Variants in AKAP13 observed in about 807,000 individuals in gnomAD.
The protein encoded by AKAP13 is A-kinase anchoring protein 13.
A neutral mutation model predicts 264.5 loss-of-function variants in AKAP13; 80 were observed. That is an observed-to-expected ratio of 0.30 (90% CI 0.25 to 0.36). The LOEUF (loss-of-function observed/expected upper bound fraction) is 0.36, where lower values mean the gene tolerates loss of function less well. AKAP13 is among the 10% of genes least tolerant of loss of function. The probability of loss-of-function intolerance (pLI) is 1.00; values close to 1 mark genes in which losing one functional copy is unlikely to be tolerated. For synonymous variants in AKAP13, 1,380 were observed against 1,250.2 expected, an observed-to-expected ratio of 1.10 and a Z score of -2.19; for missense variants, 3,712 against 3,435.2, an observed-to-expected ratio of 1.08 and a Z score of -2.01.
intron 1 of AKAP13, among the ~76,000 whole-genome samples, chr15:85,466,550 C>G (rs1486225633): frequency 2.0e-5 from 3 of 152,172 alleles, no homozygotes; most frequent in African/African-American, 7.2e-5. Context: ...AGGAAGGGAT[C>G]CAGTTTCAGC....
chr15:85,508,859 T>A (rs1421946538), intron 2 of AKAP13, among the ~76,000 whole-genome samples: 1 of 151,902 alleles, frequency 6.6e-6, no homozygotes, highest in Non-Finnish European at 1.5e-5. Flanking sequence ...ACTGCTTTCT[T>A]TATCTTCCCT....
intron 26 of AKAP13, among the ~76,000 whole-genome samples, chr15:85,725,897 T>C (rs1457489595): frequency 6.6e-6 from 1 of 152,210 alleles, no homozygotes; most frequent in Non-Finnish European, 1.5e-5. Flanking sequence ...CTTTGTTCTT[T>C]TGAGGGCATG....
chr15:85,456,516 C>CTG (rs2074283582), intron 1 of AKAP13, among the ~76,000 whole-genome samples: 1 of 151,318 alleles, frequency 6.6e-6, no homozygotes, highest in African/African-American at 2.4e-5. Flanking sequence ...CAGGGCTACC[C>CTG]CAAAGGCAGT....
intron 11 of AKAP13, 97 bp downstream of exon 11, chr15:85,655,884 C>T (rs1290070230): frequency 4.7e-6 from 7 of 1,481,688 alleles, no homozygotes; most frequent in Non-Finnish European, 4.5e-6. Context: ...TTAGGAGACC[C>T]CATAGTATAG....
chr15:85,394,103 A>G (rs1201014826), intron 1 of AKAP13, among the ~76,000 whole-genome samples: 2 of 152,228 alleles, frequency 1.3e-5, no homozygotes, highest in Admixed American at 6.5e-5. Context: ...TAATTAGTTC[A>G]TGTGTAAACT....
intron 1 of AKAP13, among the ~76,000 whole-genome samples, chr15:85,413,983 G>C (rs954196875): frequency 4.6e-5 from 7 of 151,894 alleles, no homozygotes; most frequent in African/African-American, 1.5e-4. Flanking sequence ...AACTTTCATT[G>C]TTTTCTCCAA....
rs770525850 is a variant in AKAP13 at position 85,655,515 on chromosome 15, G to C, written c.4473G>C (p.Val1491=). The C allele has an allele frequency of 1.2e-6, 2 of 1,614,222 alleles. No homozygotes were observed. Among genetic ancestry groups the C allele is most frequent in the Non-Finnish European group, 1.7e-6 (2 of 1,180,034 alleles). ...LDRHSSHGSD[V]SLSQILKPNR... Reference sequence around the variant, plus strand: ...GACATTCTTCTCATGGCAGTGATGTGTCTCTCTCCCAGATTTTAAAGCCAA... The same window carrying C: ...GACATTCTTCTCATGGCAGTGATGTCTCTCTCTCCCAGATTTTAAAGCCAA... The change falls in exon 11 of 37, where the codon GTG becomes GTC. Residue 1491 remains valine (V), a synonymous_variant. Coordinates refer to ENST00000394518, the MANE Select transcript of AKAP13 (RefSeq NM_007200.5).
chr15:85,733,966 G>C (rs925903149), intron 30 of AKAP13, among the ~76,000 whole-genome samples: 1 of 134,834 alleles, frequency 7.4e-6, no homozygotes, highest in Non-Finnish European at 1.6e-5. Flanking sequence ...TCAGCCTCCT[G>C]AGTAGCTGGG....
intron 1 of AKAP13, among the ~76,000 whole-genome samples, chr15:85,465,533 G>A (rs2074702121): frequency 8.1e-6 from 1 of 123,766 alleles, no homozygotes; most frequent in Admixed American, 9.7e-5. Context: ...ACCAGAGTGT[G>A]ATGTTCCCCT....
At chr15:85,468,270 T>C (rs6497191) in intron 1 of AKAP13, among the ~76,000 whole-genome samples, 82,119 of 151,940 alleles carry the variant, frequency 0.54, 22,886 homozygotes, top group Admixed American at 0.64. Flanking sequence ...GTCTTATGGT[T>C]GATGCCCCTT....
rs1051291990 is a variant in AKAP13 at position 85,735,705 on chromosome 15, C to T, written c.7512+75C>T. Reference sequence around the variant, plus strand: ...ATTCATAACCTTTGAAATTATTTCACTTTGATGTTGTTTTCGATGCCTGAA... The same window carrying T: ...ATTCATAACCTTTGAAATTATTTCATTTTGATGTTGTTTTCGATGCCTGAA... On this transcript the variant is annotated intron_variant, in intron 32 of 36. Coordinates refer to ENST00000394518, the MANE Select transcript of AKAP13 (RefSeq NM_007200.5). The T allele has an allele frequency of 2.1e-6, 3 of 1,418,556 alleles. No homozygotes were observed. In the African/African-American group the frequency reaches 4.3e-5, roughly 20 times the overall value. 87.9% of individuals were successfully genotyped at this position (1,418,556 alleles called of 1,614,324 possible). A position where few individuals can be genotyped will look rare whatever the true frequency, so the allele number is the denominator to read the frequency against.
intron 22 of AKAP13, 26 bp from the exon 23 acceptor site, chr15:85,719,050 A>G (rs2087128683): frequency 1.2e-6 from 2 of 1,611,234 alleles, no homozygotes; most frequent in Non-Finnish European, 1.7e-6. Flanking sequence ...AGTGTTCCTG[A>G]CACTTGATCT....
chr15:85,536,544 C>G (rs1309820550), intron 4 of AKAP13: 1 of 152,178 alleles, frequency 6.6e-6, no homozygotes, highest in East Asian at 1.9e-4. Flanking sequence ...TAATGTTATT[C>G]ATAATCTTCA....
intron 6 of AKAP13, chr15:85,577,910 T>A (rs1164503553): frequency 5.2e-5 from 41 of 783,404 alleles, no homozygotes; most frequent in Non-Finnish European, 6.2e-5. Flanking sequence ...CTGCACCTTG[T>A]AATGGAAAAG....
At chr15:85,736,261 G>A (rs2088492666) in intron 33 of AKAP13, 127 bp downstream of exon 33, 2 of 729,598 alleles carry the variant, frequency 2.7e-6, no homozygotes, top group Admixed American at 5.4e-5. Context: ...GCTATCATCT[G>A]TATGTGTAAA....
In AKAP13 at chr15:85,746,851, C is replaced by G. The variant is rs572408325; in HGVS notation, c.*2174C>G. The G allele has an allele frequency of 6.6e-6, 1 of 152,168 alleles. No individual in the cohort carries two copies. Among genetic ancestry groups the G allele is most frequent in the East Asian group, 1.9e-4 (1 of 5,180 alleles). 9.4% of individuals were successfully genotyped at this position (152,168 alleles called of 1,614,324 possible). A position where few individuals can be genotyped will look rare whatever the true frequency, so the allele number is the denominator to read the frequency against. On this transcript the variant is annotated 3_prime_UTR_variant, in exon 37 of 37. Coordinates refer to ENST00000394518, the MANE Select transcript of AKAP13 (RefSeq NM_007200.5). ...CCTTGTAAATGTAGGCCGGGTGCCC[C>G]TGTTCTCCGGGTTTGGAACAATACG...
chr15:85,401,220 A>G (rs2071407078), intron 1 of AKAP13, among the ~76,000 whole-genome samples: 1 of 152,198 alleles, frequency 6.6e-6, no homozygotes, highest in Non-Finnish European at 1.5e-5. Context: ...AAGTCTTGGA[A>G]CATGTAGATA....
intron 1 of AKAP13, among the ~76,000 whole-genome samples, chr15:85,464,828 C>G (rs12906308): frequency 3.3e-5 from 5 of 152,058 alleles, no homozygotes; most frequent in Non-Finnish European, 7.4e-5. Flanking sequence ...CCTTTTTCTT[C>G]TTTTACTAGT....
rs528645758 is a variant in AKAP13, at chr15:85,738,695, G to A, written c.7558-1527G>A. Among the ~76,000 whole-genome samples, 4 of 151,114 alleles carry A rather than the reference G, an allele frequency of 2.6e-5. No individual in the cohort carries two copies. In the South Asian group the frequency reaches 6.3e-4, roughly 24 times the overall value. On this transcript the variant is annotated intron_variant, in intron 33 of 36. Transcript: ENST00000394518. ...CTACTAAAAATACAAAAAATTAGCCGGGCGCGGTGGCGGGCGCCTGTAGTC... is the reference window on the plus strand; with the variant it reads ...CTACTAAAAATACAAAAAATTAGCCAGGCGCGGTGGCGGGCGCCTGTAGTC...
Sources: allele counts gnomAD v4.1 joint callset (sites outside exome capture counted in the v4.1 genomes callset), GRCh38; gene constraint gnomAD v4.1.1; transcripts MANE v1.5; gene names NCBI Gene and HGNC (gene_info 2026-07-23, HGNC 2026-07-21).